The following FARS2 variants were observed in gnomAD, a reference collection of about 807,000 sequenced individuals.
The protein encoded by FARS2 is phenylalanine--tRNA ligase, mitochondrial.
In FARS2, 40 loss-of-function variants were observed where a neutral mutation model predicts 46.4. The observed-to-expected ratio is 0.86, with a 90% CI of 0.67 to 1.12. The LOEUF (loss-of-function observed/expected upper bound fraction) is 1.12. Among genes scored for constraint, FARS2 ranks in the 50% most tolerant of loss-of-function variants. FARS2 has a pLI of 0.00. For missense variants in FARS2, 513 were observed against 567.9 expected (o/e 0.90, Z 0.98); for synonymous variants, 234 against 214.9 (o/e 1.09, Z -0.78).
chr6:5,539,407 T>TATATATATATA (rs771563949), intron 4 of FARS2, among the ~76,000 whole-genome samples: 4 of 143,482 alleles, frequency 2.8e-5, no homozygotes, highest in East Asian at 2.0e-4. Flanking sequence ...TATGTATATA[T>TATATATATATA]TTTTTTAGTA....
At chr6:5,587,808 GT>G (rs1773700513) in intron 5 of FARS2, among the ~76,000 whole-genome samples, 1 of 152,132 alleles carries the variant, frequency 6.6e-6, no homozygotes, top group African/African-American at 2.4e-5. Flanking sequence ...TCTCCATTGT[GT>G]GACCTTGGGA....
At position 5,727,335 on chromosome 6, in the gene FARS2, C is replaced by T. The variant is rs530109091; in HGVS notation, c.1218-43956C>T. Among the ~76,000 whole-genome samples the T allele has an allele frequency of 6.6e-6, 1 of 152,198 alleles. No individual in the cohort carries two copies. Among genetic ancestry groups the T allele is most frequent in the African/African-American group, 2.4e-5 (1 of 41,446 alleles). ...CCTCCCTTGGTCTCCTGGAACACTG[C>T]GTTTGTGCCTGTCTCACAGCGCCTG... On this transcript the variant is annotated intron_variant, in intron 6 of 6. Transcript: ENST00000274680. This position sits in a 1 kb window ranked among gnomAD's most constrained non-coding sequence, Gnocchi z 4.1.
intron 4 of FARS2, among the ~76,000 whole-genome samples, chr6:5,540,529 C>T (rs979826748): frequency 2.0e-5 from 3 of 152,198 alleles, no homozygotes; most frequent in South Asian, 2.1e-4. Flanking sequence ...ATCATTCATT[C>T]GCACTGTCGT....
intron 4 of FARS2, among the ~76,000 whole-genome samples, chr6:5,437,173 T>C (rs988489485): frequency 6.6e-6 from 1 of 152,254 alleles, no homozygotes; most frequent in Non-Finnish European, 1.5e-5. Flanking sequence ...GTATTCATTA[T>C]ACCTGGCTTC....
At chr6:5,605,108 A>T (rs1282063134) in intron 5 of FARS2, among the ~76,000 whole-genome samples, 1 of 152,218 alleles carries the variant, frequency 6.6e-6, no homozygotes, top group African/African-American at 2.4e-5. Flanking sequence ...GCAGTGACAG[A>T]TCAAAATCTA....
rs1020483427 is a variant in FARS2, at chr6:5,765,938, C to G, written c.1218-5353C>G. On this transcript the variant is annotated intron_variant, in intron 6 of 6. Transcript: ENST00000274680. The surrounding 1 kb of genome is among the most constrained non-coding windows in gnomAD (Gnocchi z 4.0). Reference sequence around the variant, plus strand: ...TGGAAGCCCCAGAGGTTCAAACATTCTAAGATGCCTATACCAAAATCTTTA... The same window carrying G: ...TGGAAGCCCCAGAGGTTCAAACATTGTAAGATGCCTATACCAAAATCTTTA... 1.3e-5 allele frequency among the ~76,000 whole-genome samples: 2 copies of G among 152,160 alleles called. No homozygotes were observed. Among genetic ancestry groups the G allele is most frequent in the Non-Finnish European group, 2.9e-5 (2 of 68,030 alleles).
chr6:5,295,196 C>T (rs995436447), intron 1 of FARS2, among the ~76,000 whole-genome samples: 4 of 152,066 alleles, frequency 2.6e-5, no homozygotes, highest in Non-Finnish European at 5.9e-5. Context: ...AGCTATGTGC[C>T]GTCATATACG....
At chr6:5,609,953 C>CTCTTCCATCCACCT in intron 5 of FARS2, 1 of 1,267,784 alleles carries the variant, frequency 7.9e-7, no homozygotes, top group Non-Finnish European at 1.1e-6. Context: ...GGTTCCACAA[C>CTCTTCCATCCACCT]TCTTCCATCC....
intron 1 of FARS2, among the ~76,000 whole-genome samples, chr6:5,264,736 A>G (rs997245576): frequency 6.6e-6 from 1 of 152,102 alleles, no homozygotes; most frequent in Non-Finnish European, 1.5e-5. Flanking sequence ...ATAAGATGAT[A>G]TAGTCACAGT....
chr6:5,694,849 A>T (rs1757995788), intron 6 of FARS2: 1 of 151,864 alleles, frequency 6.6e-6, no homozygotes, highest in African/African-American at 2.4e-5. Context: ...TCTACAAAAA[A>T]AAAAAAAATT....
intron 2 of FARS2, among the ~76,000 whole-genome samples, chr6:5,384,493 T>G (rs1759993499): frequency 6.6e-6 from 1 of 152,228 alleles, no homozygotes; most frequent in African/African-American, 2.4e-5. Flanking sequence ...TGGAATCTGC[T>G]GCCCTTAGGA....
At chr6:5,706,929 G>A (rs894867438) in intron 6 of FARS2, among the ~76,000 whole-genome samples, 5 of 152,194 alleles carry the variant, frequency 3.3e-5, no homozygotes, top group Admixed American at 6.5e-5. Flanking sequence ...CACAGTCAGC[G>A]GAGCTGTGAT....
chr6:5,746,120 T>C (rs1172406304), intron 6 of FARS2, among the ~76,000 whole-genome samples: 2 of 152,238 alleles, frequency 1.3e-5, no homozygotes, highest in East Asian at 1.9e-4. Flanking sequence ...TTTTAATTAC[T>C]AAGGTAATCT....
intron 6 of FARS2, among the ~76,000 whole-genome samples, chr6:5,718,649 G>A (rs112401690): frequency 2.0e-4 from 31 of 151,942 alleles, no homozygotes; most frequent in African/African-American, 7.0e-4. Context: ...ACCTAATTGA[G>A]CCAGAAAATA....
chr6:5,498,646 G>C (rs1767612807), intron 4 of FARS2, among the ~76,000 whole-genome samples: 2 of 152,156 alleles, frequency 1.3e-5, no homozygotes, highest in South Asian at 2.1e-4. Flanking sequence ...ACAAAAAGTA[G>C]AGTTGGCTTT....
At chr6:5,758,977 A>G in intron 6 of FARS2, among the ~76,000 whole-genome samples, 1 of 148,262 alleles carries the variant, frequency 6.7e-6, no homozygotes, top group African/African-American at 2.5e-5. Flanking sequence ...GTTCTGTTTC[A>G]TTAGAAAAAA....
intron 6 of FARS2, among the ~76,000 whole-genome samples, chr6:5,726,139 A>G (rs1760240805): frequency 6.6e-6 from 1 of 152,170 alleles, no homozygotes. Context: ...TCACATAAGT[A>G]GAAACCTGGC....
intron 6 of FARS2, among the ~76,000 whole-genome samples, chr6:5,691,353 A>T (rs1438288011): frequency 6.6e-6 from 1 of 152,134 alleles, no homozygotes; most frequent in African/African-American, 2.4e-5. Context: ...ATGGTGACGT[A>T]CAGATGGGGT....
intron 6 of FARS2, among the ~76,000 whole-genome samples, chr6:5,624,802 A>G (rs1775948799): frequency 6.6e-6 from 1 of 152,182 alleles, no homozygotes; most frequent in South Asian, 2.1e-4. Flanking sequence ...TTGCTGGCAG[A>G]AATGGGGTAG....
Sources: allele counts gnomAD v4.1 joint callset (sites outside exome capture counted in the v4.1 genomes callset), GRCh38; gene constraint gnomAD v4.1.1; non-coding constraint Gnocchi (gnomAD v3.1); transcripts MANE v1.5; gene names NCBI Gene and HGNC (gene_info 2026-07-23, HGNC 2026-07-21).